ERO1A: variants seen among roughly 807,000 people sequenced by gnomAD.
The protein encoded by ERO1A is endoplasmic reticulum oxidoreductase 1 alpha.
Under a neutral mutation model 76.9 loss-of-function variants are expected in ERO1A, and 49 were observed. The observed-to-expected ratio is 0.64, with a 90% CI of 0.51 to 0.81. The LOEUF is 0.81. Ranked by LOEUF, ERO1A falls within the 30% of genes least tolerant of loss-of-function variation. The pLI is 0.00. For missense variants in ERO1A, 448 were observed against 542.1 expected, an observed-to-expected ratio of 0.83 and a Z score of 1.72; for synonymous variants, 174 against 181.2, an observed-to-expected ratio of 0.96 and a Z score of 0.32.
intron 4 of ERO1A, among the ~76,000 whole-genome samples, chr14:52,673,217 GTAGC>G (rs1263081161): frequency 2.0e-5 from 3 of 152,012 alleles, no homozygotes; most frequent in East Asian, 3.9e-4. Context: ...AGTCTCCTGA[GTAGC>G]TAGGACTACA....
At chr14:52,648,069 T>C (rs1423404335) in intron 13 of ERO1A, among the ~76,000 whole-genome samples, 1 of 152,224 alleles carries the variant, frequency 6.6e-6, no homozygotes, top group Non-Finnish European at 1.5e-5. Flanking sequence ...AAAGTTTTAA[T>C]AGGATCTAAG....
chr14:52,661,425 C>T, intron 8 of ERO1A, 121 bp from the exon 9 acceptor site: 1 of 669,012 alleles, frequency 1.5e-6, no homozygotes, highest in Non-Finnish European at 2.3e-6. Context: ...AGTTCATTCA[C>T]ACAAGTAAAA....
chr14:52,643,592 T>A lies in ERO1A; in HGVS notation c.1385A>T (p.Asn462Ile). The part of the protein sequence containing the change: ...TSVKELENFR[N>I]LLQNIH Reference sequence around the variant, plus strand: ...TCTTTAATGAATATTCTGTAACAAGTTCCTGAAGTTTTCTAATTCTTTCAC... The same window carrying A: ...TCTTTAATGAATATTCTGTAACAAGATCCTGAAGTTTTCTAATTCTTTCAC... The change falls in exon 16 of 16, where the codon AAC becomes ATC. Residue 462 changes from asparagine to isoleucine, a missense_variant. Around this residue, in one of 2 missense-constraint regions of ERO1A, gnomAD observed 302 missense variants for 411.9 expected, o/e 0.73. Coordinates refer to ENST00000395686, the MANE Select transcript of ERO1A (RefSeq NM_014584.3). 1 of 1,480,950 alleles carries A rather than the reference T, an allele frequency of 6.8e-7. No homozygotes were observed. The highest frequency in any genetic ancestry group is 8.9e-7 in the Non-Finnish European group (1 of 1,121,852). 91.7% of individuals were successfully genotyped at this position (1,480,950 alleles called of 1,614,324 possible).
In ERO1A at chr14:52,663,784, G is replaced by C. The variant is rs201842934; in HGVS notation, c.676+17C>G. On this transcript the variant is annotated intron_variant, in intron 8 of 15. Transcript: ENST00000395686. Reference sequence around the variant, plus strand: ...CCTGGCTGAGAAATAATATAACAACGCAAATAAGTAATTTACCTTGACCAG... The same window carrying C: ...CCTGGCTGAGAAATAATATAACAACCCAAATAAGTAATTTACCTTGACCAG... 41 of 1,464,504 alleles carry C rather than the reference G, an allele frequency of 2.8e-5. No individual in the cohort carries two copies. Among genetic ancestry groups the C allele is most frequent in the Non-Finnish European group, 3.9e-5 (41 of 1,046,854 alleles). 90.7% of individuals were successfully genotyped at this position (1,464,504 alleles called of 1,614,324 possible).
At chr14:52,664,355 G>A (rs2040331985) in intron 7 of ERO1A, among the ~76,000 whole-genome samples, 1 of 152,128 alleles carries the variant, frequency 6.6e-6, no homozygotes, top group South Asian at 2.1e-4. Context: ...AATAAAAGTT[G>A]TTTGTTCAGT....
At chr14:52,655,233 C>T (rs373793902) in intron 11 of ERO1A, among the ~76,000 whole-genome samples, 12 of 152,176 alleles carry the variant, frequency 7.9e-5, no homozygotes, top group East Asian at 3.9e-4. Flanking sequence ...GGCGTGGTGG[C>T]ACATGCCTGT....
At chr14:52,644,480 C>G (rs2039576944) in intron 15 of ERO1A, among the ~76,000 whole-genome samples, 1 of 151,994 alleles carries the variant, frequency 6.6e-6, no homozygotes. Flanking sequence ...ATATTTTAAG[C>G]ATTCATAAGT....
intron 4 of ERO1A, among the ~76,000 whole-genome samples, chr14:52,673,075 C>A (rs915064205): frequency 3.3e-5 from 5 of 151,890 alleles, no homozygotes; most frequent in African/African-American, 1.2e-4. Flanking sequence ...CCTTTGTTTA[C>A]AAGCTTTGTT....
At chr14:52,651,639 G>C (rs1448690665) in intron 13 of ERO1A, among the ~76,000 whole-genome samples, 1 of 152,044 alleles carries the variant, frequency 6.6e-6, no homozygotes, top group Admixed American at 6.6e-5. Context: ...AAGATATACT[G>C]TTAAGTATAT....
At chr14:52,644,059 G>C (rs1165484776) in intron 15 of ERO1A, among the ~76,000 whole-genome samples, 1 of 152,130 alleles carries the variant, frequency 6.6e-6, no homozygotes, top group Non-Finnish European at 1.5e-5. Flanking sequence ...AGAACTGCTT[G>C]AGCCCAGAAG....
rs1160345526 is a variant in ERO1A, at chr14:52,674,716, TGAA to T, written c.358-2848_358-2846del. Reference sequence around the variant, plus strand: ...AAATGTTCAAAACAGTGGTTGCCTCTGAAGAAGGAGTGTGGTTTGAATGGAATG... The same window carrying T: ...AAATGTTCAAAACAGTGGTTGCCTCTGAAGGAGTGTGGTTTGAATGGAATG... On this transcript the variant is annotated intron_variant, in intron 4 of 15. Coordinates refer to ENST00000395686, the MANE Select transcript of ERO1A (RefSeq NM_014584.3). 1.1e-4 allele frequency among the ~76,000 whole-genome samples: 16 copies of T among 152,350 alleles called. No homozygotes were observed. In the South Asian group the frequency reaches 1.9e-3, roughly 18 times the overall value.
intron 1 of ERO1A, among the ~76,000 whole-genome samples, chr14:52,688,966 T>C (rs1477910988): frequency 6.6e-6 from 1 of 152,230 alleles, no homozygotes; most frequent in Non-Finnish European, 1.5e-5. Flanking sequence ...TCATATACTT[T>C]TTTTTTGAGA....
chr14:52,671,434 A>T (rs896982173), intron 6 of ERO1A, 196 bp downstream of exon 6: 26 of 426,436 alleles, frequency 6.1e-5, no homozygotes, highest in Non-Finnish European at 1.0e-4. Flanking sequence ...TTTCTTTAAT[A>T]ACTTTTTTCT....
intron 6 of ERO1A, among the ~76,000 whole-genome samples, chr14:52,666,984 C>T (rs1233991586): frequency 6.6e-6 from 1 of 152,090 alleles, no homozygotes; most frequent in South Asian, 2.1e-4. Flanking sequence ...ATTAATTGTA[C>T]ACACTGGCTA....
At chr14:52,644,636 T>A (rs1340519577) in intron 15 of ERO1A, among the ~76,000 whole-genome samples, 1 of 152,110 alleles carries the variant, frequency 6.6e-6, no homozygotes, top group African/African-American at 2.4e-5. Flanking sequence ...AACACAGAAA[T>A]ATCATTTTTA....
chr14:52,689,346 C>T (rs542513071), intron 1 of ERO1A, among the ~76,000 whole-genome samples: 22 of 152,198 alleles, frequency 1.4e-4, no homozygotes, highest in African/African-American at 4.6e-4. Context: ...ATAAAAAATA[C>T]GTAAAATTGT....
At chr14:52,688,557 T>A (rs1041174974) in intron 1 of ERO1A, among the ~76,000 whole-genome samples, 2 of 152,232 alleles carry the variant, frequency 1.3e-5, no homozygotes, top group African/African-American at 4.8e-5. Flanking sequence ...ACTTAAATGC[T>A]TCCAATGAAA....
chr14:52,657,191 A>G (rs2040079621), intron 11 of ERO1A, among the ~76,000 whole-genome samples: 1 of 152,158 alleles, frequency 6.6e-6, no homozygotes, highest in Non-Finnish European at 1.5e-5. Context: ...TAATTTGCAT[A>G]TAATAAAAAG....
intron 4 of ERO1A, among the ~76,000 whole-genome samples, chr14:52,675,193 G>A (rs1208785102): frequency 6.6e-6 from 1 of 152,144 alleles, no homozygotes; most frequent in African/African-American, 2.4e-5. Context: ...AGACCAGCTT[G>A]GCCAACATGG....
Sources: allele counts gnomAD v4.1 joint callset (sites outside exome capture counted in the v4.1 genomes callset), GRCh38; gene constraint gnomAD v4.1.1; regional missense constraint gnomAD v4.1.1; transcripts MANE v1.5; gene names NCBI Gene and HGNC (gene_info 2026-07-23, HGNC 2026-07-21).